The following ASCC3 variants were observed in gnomAD, a reference collection of about 807,000 sequenced individuals.
The protein encoded by ASCC3 is ASC-1 complex subunit P200.
A neutral mutation model predicts 256.3 loss-of-function variants in ASCC3; 158 were observed. That is an observed-to-expected ratio of 0.62 (90% CI 0.54 to 0.70). The LOEUF (loss-of-function observed/expected upper bound fraction) is 0.70, where lower values mean the gene tolerates loss of function less well. Ranked by LOEUF, ASCC3 falls within the 30% of genes least tolerant of loss-of-function variation. The pLI is 0.00. For missense variants in ASCC3, 2,259 were observed against 2,626.0 expected, an observed-to-expected ratio of 0.86 and a Z score of 3.05; for synonymous variants, 948 against 883.4, an observed-to-expected ratio of 1.07 and a Z score of -1.30.
chr6:100,841,890 G>A (rs2114487692), intron 4 of ASCC3, among the ~76,000 whole-genome samples: 1 of 152,172 alleles, frequency 6.6e-6, no homozygotes, highest in Admixed American at 6.5e-5. Flanking sequence ...AATAAAAGAA[G>A]CTCTTCATTA....
intron 36 of ASCC3, among the ~76,000 whole-genome samples, chr6:100,546,589 T>A (rs1027913488): frequency 7.2e-5 from 11 of 152,166 alleles, no homozygotes; most frequent in African/African-American, 2.7e-4. Context: ...TGCAATCTAC[T>A]GTATGATAGA....
intron 13 of ASCC3, among the ~76,000 whole-genome samples, chr6:100,698,548 GA>G (rs1418886945): frequency 6.6e-6 from 1 of 152,000 alleles, no homozygotes; most frequent in African/African-American, 2.4e-5. Context: ...TGACAAAAAT[GA>G]TAAGTCTGTA....
intron 4 of ASCC3, among the ~76,000 whole-genome samples, chr6:100,821,590 C>T (rs1380299306): frequency 1.3e-5 from 2 of 152,050 alleles, no homozygotes; most frequent in Non-Finnish European, 2.9e-5. Context: ...CTTTGGGAGG[C>T]TGAGGTGGGT....
chr6:100,553,882 C>T (rs1411681189), intron 36 of ASCC3, among the ~76,000 whole-genome samples: 1 of 152,082 alleles, frequency 6.6e-6, no homozygotes, highest in Non-Finnish European at 1.5e-5. Context: ...CTAAATTTTG[C>T]TTGCATATTC....
Position 100,864,181 on chromosome 6 carries a change from C to T in ASCC3, c.124G>A (p.Asp42Asn). The T allele has an allele frequency of 6.2e-7, 1 of 1,606,598 alleles. No individual in the cohort carries two copies. The highest frequency in any genetic ancestry group is 1.1e-5 in the South Asian group (1 of 90,844). ...KRSKLHEQVL[D>N]LGLTWKKIIK... ...ATCTTCTTCCATGTCAGGCCCAAAT[C>T]TAAAACTTGTTCATGAAGTTTAGAT... The change falls in exon 3 of 42, where the codon GAT (aspartate) becomes AAT (asparagine). Residue 42 changes from aspartate (D) to asparagine (N), a missense_variant. Physicochemically the swap from Asp to Asn is conservative, Grantham distance 23. Transcript: ENST00000369162.
At chr6:100,845,907 A>G (rs1270064985) in intron 4 of ASCC3, among the ~76,000 whole-genome samples, 2 of 152,220 alleles carry the variant, frequency 1.3e-5, no homozygotes, top group Non-Finnish European at 2.9e-5. Flanking sequence ...TGCCATCAGC[A>G]TAGAAGTAGC....
At chr6:100,680,079 T>C (rs1262206393) in intron 13 of ASCC3, among the ~76,000 whole-genome samples, 1 of 152,202 alleles carries the variant, frequency 6.6e-6, no homozygotes, top group Non-Finnish European at 1.5e-5. Flanking sequence ...AGCTTTCTCA[T>C]TGGAAGATTA....
chr6:100,666,948 C>A (rs183203145), intron 14 of ASCC3, among the ~76,000 whole-genome samples: 1 of 152,156 alleles, frequency 6.6e-6, no homozygotes, highest in African/African-American at 2.4e-5. Flanking sequence ...AAATTTAAGA[C>A]AAAATCTGAG....
chr6:100,662,194 T>G (rs1326443700), intron 15 of ASCC3, 151 bp downstream of exon 15: 1 of 1,084,324 alleles, frequency 9.2e-7, no homozygotes, highest in Non-Finnish European at 1.3e-6. Flanking sequence ...ATAAACTAGA[T>G]TCTTATTGGA....
chr6:100,625,827 C>T (rs1280838947), intron 29 of ASCC3, among the ~76,000 whole-genome samples: 1 of 151,960 alleles, frequency 6.6e-6, no homozygotes, highest in African/African-American at 2.4e-5. Context: ...TTTTTGTTAT[C>T]AGTGATAGAA....
chr6:100,700,275 T>C, intron 13 of ASCC3, among the ~76,000 whole-genome samples: 1 of 152,122 alleles, frequency 6.6e-6, no homozygotes, highest in Non-Finnish European at 1.5e-5. Context: ...AGCCTCCATG[T>C]AGTGTTGAGC....
intron 36 of ASCC3, among the ~76,000 whole-genome samples, chr6:100,582,924 C>A (rs1185153361): frequency 1.3e-5 from 2 of 152,078 alleles, no homozygotes; most frequent in Non-Finnish European, 2.9e-5. Context: ...GCCTTGCATC[C>A]CAGAGATGAA....
At chr6:100,866,110 C>T (rs962765630) in intron 2 of ASCC3, among the ~76,000 whole-genome samples, 2 of 152,028 alleles carry the variant, frequency 1.3e-5, no homozygotes, top group African/African-American at 4.8e-5. Context: ...GCTGGGATTA[C>T]AGGCGCCCAC....
chr6:100,713,313 C>A (rs1283607105), intron 13 of ASCC3, among the ~76,000 whole-genome samples: 1 of 151,930 alleles, frequency 6.6e-6, no homozygotes, highest in African/African-American at 2.4e-5. Flanking sequence ...TGAAGAAAAG[C>A]TAATCTGAAA....
chr6:100,709,958 C>G (rs1778788254), intron 13 of ASCC3, among the ~76,000 whole-genome samples: 1 of 152,130 alleles, frequency 6.6e-6, no homozygotes, highest in African/African-American at 2.4e-5. Context: ...AAGTCCCACT[C>G]TTACGGAAAA....
At chr6:100,677,348 G>C (rs1240471774) in intron 14 of ASCC3, among the ~76,000 whole-genome samples, 1 of 142,672 alleles carries the variant, frequency 7.0e-6, no homozygotes. Context: ...AAAAAAAAAA[G>C]ACCCCATGCC....
intron 30 of ASCC3, among the ~76,000 whole-genome samples, chr6:100,622,853 T>A (rs1293066553): frequency 6.6e-6 from 1 of 152,042 alleles, no homozygotes; most frequent in East Asian, 1.9e-4. Context: ...ACACAAAGTC[T>A]GAGCTAACTA....
chr6:100,631,942 C>T (rs760128981), intron 25 of ASCC3, among the ~76,000 whole-genome samples: 7 of 151,680 alleles, frequency 4.6e-5, no homozygotes, highest in Admixed American at 2.0e-4. Flanking sequence ...GGAAACACTA[C>T]AAAAGGATGC....
chr6:100,562,210 T>G (rs956098376), intron 36 of ASCC3, among the ~76,000 whole-genome samples: 1 of 152,112 alleles, frequency 6.6e-6, no homozygotes, highest in Non-Finnish European at 1.5e-5. Flanking sequence ...TGAATAATAC[T>G]ACTGTAATAA....
Sources: gnomAD v4.1 joint callset for allele counts (sites outside exome capture counted in the v4.1 genomes callset) on GRCh38, gnomAD v4.1.1 for gene constraint, MANE v1.5 for transcripts, NCBI Gene and HGNC (gene_info 2026-07-23, HGNC 2026-07-21) for gene names.